CSGALNACT1: variants seen among roughly 807,000 people sequenced by gnomAD.
CSGALNACT1 encodes the protein chondroitin sulfate N-acetylgalactosaminyltransferase 1, also known as beta4GalNAcT-1.
A neutral mutation model predicts 51.0 loss-of-function variants in CSGALNACT1; 52 were observed. The ratio of observed to expected loss-of-function variants is 1.02; its 90% CI spans 0.82 to 1.29. The LOEUF (loss-of-function observed/expected upper bound fraction) is 1.29. Ranked by LOEUF, CSGALNACT1 falls within the 50% of genes most tolerant of loss-of-function variation. The pLI is 0.00. For missense variants in CSGALNACT1, 935 were observed against 679.2 expected, an observed-to-expected ratio of 1.38 and a Z score of -4.19; for synonymous variants, 341 against 254.4, an observed-to-expected ratio of 1.34 and a Z score of -3.24.
chr8:19,563,213 T>A (rs912987506), intron 3 of CSGALNACT1, among the ~76,000 whole-genome samples: 1 of 151,918 alleles, frequency 6.6e-6, no homozygotes, highest in Non-Finnish European at 1.5e-5. Context: ...CACTACTAAG[T>A]GGGAGTTGAA....
At chr8:19,533,961 A>G (rs2083272721) in intron 3 of CSGALNACT1, among the ~76,000 whole-genome samples, 3 of 152,234 alleles carry the variant, frequency 2.0e-5, no homozygotes, top group South Asian at 4.2e-4. Flanking sequence ...ATTTTTTGGC[A>G]TGTCTCTCCC....
intron 3 of CSGALNACT1, among the ~76,000 whole-genome samples, chr8:19,538,678 A>T (rs1458082337): frequency 1.3e-5 from 2 of 152,196 alleles, no homozygotes; most frequent in Non-Finnish European, 2.9e-5. Flanking sequence ...GGGAAGAAAC[A>T]GCCATGACTT....
intron 1 of CSGALNACT1, among the ~76,000 whole-genome samples, chr8:19,658,632 G>C (rs1017288556): frequency 1.8e-4 from 28 of 152,084 alleles, no homozygotes; most frequent in African/African-American, 6.8e-4. Flanking sequence ...TACTTGGGAG[G>C]CTGAGGCACG....
At chr8:19,477,697 C>G (rs2070107213) in intron 4 of CSGALNACT1, among the ~76,000 whole-genome samples, 1 of 152,158 alleles carries the variant, frequency 6.6e-6, no homozygotes, top group South Asian at 2.1e-4. Flanking sequence ...GGGCAAGGTG[C>G]TTAACCTTTC....
At chr8:19,684,397 A>T (rs2060851435), upstream of CSGALNACT1, among the ~76,000 whole-genome samples, 1 of 152,242 alleles carries the variant, frequency 6.6e-6, no homozygotes, top group Non-Finnish European at 1.5e-5. Context: ...CATTCACCAT[A>T]TGAGACTGTA....
At chr8:19,575,562 AAAGC>A (rs1265449619) in intron 3 of CSGALNACT1, among the ~76,000 whole-genome samples, 6 of 152,366 alleles carry the variant, frequency 3.9e-5, no homozygotes, top group Admixed American at 2.6e-4. Flanking sequence ...AAACATCAGA[AAAGC>A]AAGTGTTAAA....
chr8:19,745,675 G>A (rs2064607490), intron 1 of CSGALNACT1, among the ~76,000 whole-genome samples: 1 of 152,286 alleles, frequency 6.6e-6, no homozygotes. Context: ...ACATCCCTCT[G>A]CCTTGAAGTA....
chr8:19,407,083 T>C (rs2054358611), intron 9 of CSGALNACT1, among the ~76,000 whole-genome samples: 1 of 152,190 alleles, frequency 6.6e-6, no homozygotes, highest in Non-Finnish European at 1.5e-5. Flanking sequence ...CTCAGAGATG[T>C]CCAAGAACAC....
chr8:19,612,439 C>T (rs1241852884), intron 1 of CSGALNACT1, among the ~76,000 whole-genome samples: 1 of 152,020 alleles, frequency 6.6e-6, no homozygotes, highest in Non-Finnish European at 1.5e-5. Context: ...AGACACCTCC[C>T]CATCCCCGCC....
At chr8:19,503,221 A>C (rs1292232163) in intron 4 of CSGALNACT1, among the ~76,000 whole-genome samples, 1 of 152,218 alleles carries the variant, frequency 6.6e-6, no homozygotes, top group Non-Finnish European at 1.5e-5. Context: ...GACTTTCACC[A>C]AATATGGAAG....
chr8:19,489,217 C>G (rs1180594153), intron 4 of CSGALNACT1, among the ~76,000 whole-genome samples: 2 of 152,046 alleles, frequency 1.3e-5, no homozygotes, highest in African/African-American at 4.8e-5. Flanking sequence ...AAATACCAAA[C>G]CTACAAATAA....
At chr8:19,595,158 A>G (rs1277425564) in intron 2 of CSGALNACT1, among the ~76,000 whole-genome samples, 2 of 152,212 alleles carry the variant, frequency 1.3e-5, no homozygotes. Context: ...TTACTAATAA[A>G]ATTTTAAAAC....
intron 1 of CSGALNACT1, among the ~76,000 whole-genome samples, chr8:19,755,549 C>A (rs1309488255): frequency 6.8e-6 from 1 of 147,398 alleles, no homozygotes; most frequent in East Asian, 2.1e-4. Context: ...GTAATTTCCT[C>A]CTGCTAAACA....
chr8:19,408,236 G>A lies in CSGALNACT1; in HGVS notation c.1309+377C>T, dbSNP rs117830853. ...TTTGGAATGACTGAGAGGTGCTGGT[G>A]GAGATCATAGGGGCTAAAATGCCAC... On this transcript the variant is annotated intron_variant, in intron 9 of 9. Coordinates refer to ENST00000454498, the Ensembl canonical transcript of CSGALNACT1. Among the ~76,000 whole-genome samples, 529 of 152,194 alleles carry A rather than the reference G, an allele frequency of 3.5e-3. 13 individuals carry two copies. The East Asian group carries it at 0.067, about 19-fold the overall frequency.
upstream of CSGALNACT1, among the ~76,000 whole-genome samples, chr8:19,603,090 A>T (rs1028967805): frequency 2.2e-5 from 3 of 136,658 alleles, no homozygotes; most frequent in Non-Finnish European, 3.2e-5. Flanking sequence ...ACACACACAG[A>T]ATTGCTCCCA....
chr8:19,487,984 C>T (rs1020650249), intron 4 of CSGALNACT1, among the ~76,000 whole-genome samples: 4 of 152,142 alleles, frequency 2.6e-5, no homozygotes, highest in Admixed American at 2.6e-4. Context: ...GAGACACCCT[C>T]TCACCTCACA....
chr8:19,404,622 A>ATTTTTTTT (rs746903152), exon 10 of CSGALNACT1: 4 of 434,060 alleles, frequency 9.2e-6, no homozygotes, highest in East Asian at 7.1e-5. Context: ...ATATATATAT[A>ATTTTTTTT]TTTTTTTCTC....
intron 1 of CSGALNACT1, among the ~76,000 whole-genome samples, chr8:19,701,027 G>A (rs1038143732): frequency 6.6e-6 from 1 of 152,028 alleles, no homozygotes; most frequent in African/African-American, 2.4e-5. Flanking sequence ...CAGCTTGCAG[G>A]TGCCTTTCTG....
At chr8:19,630,194 CTGTGTGTGTGTGTGTGTGTGTGTG>C (rs55947851) in intron 1 of CSGALNACT1, among the ~76,000 whole-genome samples, 19 of 137,782 alleles carry the variant, frequency 1.4e-4, no homozygotes, top group Admixed American at 8.6e-4. Flanking sequence ...TCCCACGTCT[CTGTGTGTGTGTGTGTGTGTGTGTG>C]TGTGTGTGTG....
Sources: gnomAD v4.1 joint callset for allele counts (sites outside exome capture counted in the v4.1 genomes callset) on GRCh38, gnomAD v4.1.1 for gene constraint, MANE v1.5 for transcripts, NCBI Gene and HGNC (gene_info 2026-07-23, HGNC 2026-07-21) for gene names.